Variants in ZDHHC2 observed in about 807,000 individuals in gnomAD.
ZDHHC2 encodes the protein palmitoyltransferase ZDHHC2.
A neutral mutation model predicts 55.6 loss-of-function variants in ZDHHC2; 51 were observed. The observed-to-expected ratio is 0.92, with a 90% confidence interval of 0.73 to 1.16. The LOEUF (loss-of-function observed/expected upper bound fraction) is 1.16. Among genes scored for constraint, ZDHHC2 ranks in the 50% most tolerant of loss-of-function variants. ZDHHC2 has a pLI of 0.00. For missense variants in ZDHHC2, 491 were observed against 442.4 expected (o/e 1.11, Z -0.99); for synonymous variants, 199 against 152.9 (o/e 1.30, Z -2.22).
At chr8:17,198,451 T>A (rs1806438459) in intron 6 of ZDHHC2, 38 bp downstream of exon 6, 1 of 1,552,256 alleles carries the variant, frequency 6.4e-7, no homozygotes. Context: ...TTGTGTCCCT[T>A]GTAAATGTTA....
At chr8:17,211,206 T>G (rs1807370041) in intron 10 of ZDHHC2, among the ~76,000 whole-genome samples, 1 of 152,216 alleles carries the variant, frequency 6.6e-6, no homozygotes, top group African/African-American at 2.4e-5. Context: ...AACACCAGTT[T>G]TTATACCTTT....
intron 10 of ZDHHC2, among the ~76,000 whole-genome samples, chr8:17,212,945 C>T (rs1807458065): frequency 6.6e-6 from 1 of 152,098 alleles, no homozygotes; most frequent in South Asian, 2.1e-4. Context: ...TCACTGCAGC[C>T]TCACACTCCT....
At chr8:17,171,471 G>A (rs940394699) in intron 1 of ZDHHC2, among the ~76,000 whole-genome samples, 1 of 152,146 alleles carries the variant, frequency 6.6e-6, no homozygotes, top group Non-Finnish European at 1.5e-5. Context: ...GAAAGTGGCA[G>A]TGAGTTTTTC....
intron 1 of ZDHHC2, among the ~76,000 whole-genome samples, chr8:17,166,251 A>T (rs1011726190): frequency 6.6e-6 from 1 of 152,152 alleles, no homozygotes; most frequent in Non-Finnish European, 1.5e-5. Context: ...AAATGGTGAG[A>T]GGTGGTCAGA....
intron 1 of ZDHHC2, among the ~76,000 whole-genome samples, chr8:17,159,419 T>C (rs1229923207): frequency 2.0e-5 from 3 of 152,214 alleles, no homozygotes; most frequent in African/African-American, 7.2e-5. Flanking sequence ...CTGGTCCTCC[T>C]TCCACATCTG....
rs961657193 is a variant in ZDHHC2 at position 17,222,907 on chromosome 8, A to G, written c.*2686A>G. 6.6e-6 allele frequency: 1 copy of G among 151,910 alleles called. No individual in the cohort carries two copies. Among genetic ancestry groups the G allele is most frequent in the Non-Finnish European group, 1.5e-5 (1 of 67,796 alleles). The allele number at this position is 151,910 out of a possible 1,614,324, so 9.4% of individuals were successfully genotyped here. A position where few individuals can be genotyped will look rare whatever the true frequency, so the allele number is the denominator to read the frequency against. ...TGAGAAAATAAGGTATTTACTTTGT[A>G]GTAGTTAAGTGATTCTGAGGACAAT... On this transcript the variant is annotated 3_prime_UTR_variant, in exon 13 of 13. Transcript: ENST00000262096.
chr8:17,173,324 GATA>G (rs767630528), intron 1 of ZDHHC2, among the ~76,000 whole-genome samples: 2 of 152,166 alleles, frequency 1.3e-5, no homozygotes, highest in Non-Finnish European at 2.9e-5. Flanking sequence ...CATTTGAAAT[GATA>G]ATAATACCAA....
chr8:17,179,060 C>T (rs1299744404), intron 1 of ZDHHC2, among the ~76,000 whole-genome samples: 1 of 152,200 alleles, frequency 6.6e-6, no homozygotes, highest in Non-Finnish European at 1.5e-5. Flanking sequence ...AAGTGATCTT[C>T]CCACCTCAGC....
intron 1 of ZDHHC2, among the ~76,000 whole-genome samples, chr8:17,157,184 A>T (rs1413020408): frequency 6.6e-6 from 1 of 152,102 alleles, no homozygotes; most frequent in East Asian, 1.9e-4. Flanking sequence ...TGGAGAGGGG[A>T]GGCCGAGGCC....
chr8:17,205,516 C>T (rs930468547), intron 6 of ZDHHC2, 139 bp from the exon 7 acceptor site: 39 of 937,050 alleles, frequency 4.2e-5, no homozygotes, highest in Non-Finnish European at 5.5e-5. Context: ...TGATTGTATG[C>T]ATAAAGAAAT....
intron 3 of ZDHHC2, among the ~76,000 whole-genome samples, chr8:17,194,806 TC>T (rs1191283588): frequency 6.6e-6 from 1 of 152,194 alleles, no homozygotes; most frequent in Non-Finnish European, 1.5e-5. Context: ...TGAGTTGTGT[TC>T]TTTTTTTTGT....
At chr8:17,190,527 T>C (rs1233038791) in intron 3 of ZDHHC2, among the ~76,000 whole-genome samples, 1 of 152,174 alleles carries the variant, frequency 6.6e-6, no homozygotes, top group Non-Finnish European at 1.5e-5. Flanking sequence ...TGAATTAAAA[T>C]TTGCCCTTTT....
chr8:17,178,856 A>G (rs552863547), intron 1 of ZDHHC2, among the ~76,000 whole-genome samples: 2 of 152,312 alleles, frequency 1.3e-5, no homozygotes, highest in South Asian at 4.1e-4. Flanking sequence ...AAAACAATTA[A>G]TGTTATAACA....
chr8:17,206,820 T>C (rs1807122656), intron 7 of ZDHHC2, among the ~76,000 whole-genome samples: 1 of 152,302 alleles, frequency 6.6e-6, no homozygotes, highest in South Asian at 2.1e-4. Context: ...TTATCTTTAT[T>C]ATGGTAAGAA....
intron 12 of ZDHHC2, among the ~76,000 whole-genome samples, chr8:17,218,263 C>T (rs1807741078): frequency 1.3e-5 from 2 of 152,078 alleles, no homozygotes; most frequent in African/African-American, 4.8e-5. Context: ...TATTAAATTT[C>T]TGAAAATAAT....
chr8:17,189,983 T>C (rs1415265332), intron 3 of ZDHHC2, among the ~76,000 whole-genome samples: 1 of 152,206 alleles, frequency 6.6e-6, no homozygotes, highest in Non-Finnish European at 1.5e-5. Flanking sequence ...AAGGACACTT[T>C]CTTTTCACTA....
intron 1 of ZDHHC2, among the ~76,000 whole-genome samples, chr8:17,163,461 C>T (rs896575011): frequency 7.2e-5 from 11 of 151,956 alleles, no homozygotes; most frequent in African/African-American, 2.2e-4. Flanking sequence ...TATATGGGGG[C>T]GAGGGGTTCT....
At chr8:17,199,111 A>G (rs915694666) in intron 6 of ZDHHC2, among the ~76,000 whole-genome samples, 4 of 152,288 alleles carry the variant, frequency 2.6e-5, no homozygotes, top group Admixed American at 1.3e-4. Context: ...TCTTTCAGGG[A>G]TGGCTCTACA....
intron 3 of ZDHHC2, among the ~76,000 whole-genome samples, chr8:17,194,955 T>C (rs981393036): frequency 3.9e-5 from 6 of 152,172 alleles, no homozygotes; most frequent in African/African-American, 1.4e-4. Context: ...CCAAATTTTC[T>C]TTTTCTCAAA....
Sources: allele counts gnomAD v4.1 joint callset (sites outside exome capture counted in the v4.1 genomes callset), GRCh38; gene constraint gnomAD v4.1.1; transcripts MANE v1.5; gene names NCBI Gene and HGNC (gene_info 2026-07-23, HGNC 2026-07-21).